Variants in PPP1CC observed in about 807,000 individuals in gnomAD.
PPP1CC encodes the protein serine/threonine-protein phosphatase PP1-gamma catalytic subunit.
A neutral mutation model predicts 38.4 loss-of-function variants in PPP1CC; 16 were observed. The ratio of observed to expected loss-of-function variants is 0.42; its 90% CI spans 0.28 to 0.63. The LOEUF (loss-of-function observed/expected upper bound fraction) is 0.63, where lower values mean the gene tolerates loss of function less well. Ranked by LOEUF, PPP1CC falls within the 30% of genes least tolerant of loss-of-function variation. The probability of loss-of-function intolerance (pLI) is 0.25; values close to 1 mark genes in which losing one functional copy is unlikely to be tolerated. For synonymous variants in PPP1CC, 158 were observed against 136.0 expected (o/e 1.16, Z -1.13); for missense variants, 170 against 391.3 (o/e 0.43, Z 4.77).
In PPP1CC at chr12:110,729,367, G is replaced by A. The variant is rs181598772; in HGVS notation, c.418+1162C>T. On this transcript the variant is annotated intron_variant, in intron 3 of 6. Coordinates refer to ENST00000335007, the MANE Select transcript of PPP1CC (RefSeq NM_002710.4). Reference sequence around the variant, plus strand: ...CTGCCACCACGCCTGGCTAATTTTTGTATTTTTAGTAGAGATGAGGTTTCC... The same window carrying A: ...CTGCCACCACGCCTGGCTAATTTTTATATTTTTAGTAGAGATGAGGTTTCC... Among the ~76,000 whole-genome samples the A allele has an allele frequency of 6.8e-3, 1,040 of 152,118 alleles. 1 individual carries two copies. Among genetic ancestry groups the A allele is most frequent in the Non-Finnish European group, 9.4e-3 (638 of 67,966 alleles).
rs940588861 is a variant in PPP1CC at position 110,729,527 on chromosome 12, T to C, written c.418+1002A>G. ...AGCTTTAAGAACTGTGTTTTGTCAATAGTCAAATCGAAGTATACCTTTAAT... is the reference window on the plus strand; with the variant it reads ...AGCTTTAAGAACTGTGTTTTGTCAACAGTCAAATCGAAGTATACCTTTAAT... On this transcript the variant is annotated intron_variant, in intron 3 of 6. Coordinates refer to ENST00000335007, the MANE Select transcript of PPP1CC (RefSeq NM_002710.4). 5.3e-5 allele frequency among the ~76,000 whole-genome samples: 8 copies of C among 152,172 alleles called. No homozygotes were observed. In the East Asian group the frequency reaches 7.7e-4, roughly 15 times the overall value.
intron 3 of PPP1CC, among the ~76,000 whole-genome samples, chr12:110,730,016 A>C (rs1328585095): frequency 1.3e-5 from 2 of 152,248 alleles, no homozygotes; most frequent in African/African-American, 4.8e-5. Flanking sequence ...TCATAAAAGA[A>C]TCCAAGACCT....
chr12:110,738,789 G>A (rs1042921226), intron 1 of PPP1CC, among the ~76,000 whole-genome samples: 11 of 152,142 alleles, frequency 7.2e-5, no homozygotes, highest in Admixed American at 4.6e-4. Context: ...AGGGCACTGC[G>A]GGCACAAGGA....
the PPP1CC span, among the ~76,000 whole-genome samples, chr12:110,714,581 CG>C: frequency 6.6e-6 from 1 of 151,354 alleles, no homozygotes; most frequent in African/African-American, 2.4e-5. Flanking sequence ...CTGAGGCAGG[CG>C]AATCACTTGA....
At position 110,722,213 on chromosome 12, in the gene PPP1CC, A is replaced by G. The variant is rs754181843; in HGVS notation, c.804T>C (p.Ser268=). The change falls in exon 6 of 7, where the codon TCT becomes TCC. Residue 268 remains serine, a synonymous_variant. Transcript: ENST00000335007. This position sits in a 1 kb window ranked among gnomAD's most constrained non-coding sequence, Gnocchi z 5.4. ...FAKRQLVTLF[S]APNYCGEFDN... is the part of the protein sequence containing the mutation. ...CAAACTCTCCGCAATAATTGGGCGC[A>G]GAAAACAGAGTGACCAACTGCCTCT... The G allele has an allele frequency of 2.5e-6, 4 of 1,614,096 alleles. No individual in the cohort carries two copies. The highest frequency in any genetic ancestry group is 3.4e-6 in the Non-Finnish European group (4 of 1,180,032).
rs1403273414 is a variant in PPP1CC at position 110,742,732 on chromosome 12, G to C, written c.-25C>G. ...TCGCCTTCCCACCGCCGACCCTCCC[G>C]CAGCGGCGCCGCCGCCGGCTCGCGC... is the stretch of plus-strand genomic sequence containing the variant. On this transcript the variant is annotated 5_prime_UTR_variant, in exon 1 of 7. Coordinates refer to ENST00000335007, the MANE Select transcript of PPP1CC (RefSeq NM_002710.4). 7.2e-7 allele frequency: 1 copy of C among 1,391,872 alleles called. No homozygotes were observed. 86.2% of individuals were successfully genotyped at this position (1,391,872 alleles called of 1,614,324 possible). A position where few individuals can be genotyped will look rare whatever the true frequency, so the allele number is the denominator to read the frequency against.
At chr12:110,712,564 C>T in the PPP1CC span, among the ~76,000 whole-genome samples, 8 of 134,188 alleles carry the variant, frequency 6.0e-5, no homozygotes, top group South Asian at 5.0e-4. Flanking sequence ...CACTTGAATC[C>T]GGGAAGCGGA....
At chr12:110,735,444 T>C (rs2069932253) in intron 1 of PPP1CC, among the ~76,000 whole-genome samples, 1 of 152,214 alleles carries the variant, frequency 6.6e-6, no homozygotes, top group South Asian at 2.1e-4. Flanking sequence ...TAGTGGTGCA[T>C]TCTTAATTCC....
At chr12:110,736,827 A>G (rs2069949047) in intron 1 of PPP1CC, among the ~76,000 whole-genome samples, 1 of 152,218 alleles carries the variant, frequency 6.6e-6, no homozygotes, top group African/African-American at 2.4e-5. Context: ...TTTCCTTGCC[A>G]CATAAAGGCC....
downstream of PPP1CC, among the ~76,000 whole-genome samples, chr12:110,715,721 C>T (rs2069681937): frequency 6.6e-6 from 1 of 151,844 alleles, no homozygotes; most frequent in Non-Finnish European, 1.5e-5. Flanking sequence ...TGGGTTCAAG[C>T]GATTCTCCTG....
chr12:110,711,901 G>C, the PPP1CC span, among the ~76,000 whole-genome samples: 1 of 151,824 alleles, frequency 6.6e-6, no homozygotes, highest in Non-Finnish European at 1.5e-5. Context: ...CTCCAGCCTG[G>C]GCAACAAGAA....
chr12:110,719,304 C>G (rs2069713270), downstream of PPP1CC, among the ~76,000 whole-genome samples: 1 of 152,106 alleles, frequency 6.6e-6, no homozygotes, highest in Non-Finnish European at 1.5e-5. Context: ...GGCTTGTTAG[C>G]AGAGGGGAGT....
intron 2 of PPP1CC, 138 bp from the exon 3 acceptor site, chr12:110,730,897 A>C: frequency 1.6e-6 from 1 of 607,808 alleles, no homozygotes; most frequent in Non-Finnish European, 2.8e-6. Flanking sequence ...CTGGGCAGCC[A>C]ACACTAAGTA....
chr12:110,709,599 C>T, the PPP1CC span, among the ~76,000 whole-genome samples: 3 of 151,656 alleles, frequency 2.0e-5, no homozygotes, highest in East Asian at 5.8e-4. Flanking sequence ...CACTCTGTTG[C>T]CCAGGCTGGA....
chr12:110,720,111 T>C lies in PPP1CC; in HGVS notation c.*965A>G. 3 of 1,536,152 alleles carry C rather than the reference T, an allele frequency of 2.0e-6. No homozygotes were observed. Among genetic ancestry groups the C allele is most frequent in the South Asian group, 1.2e-5 (1 of 83,658 alleles). ...CAACTTCACCGCAGAATAAAGAATG[T>C]AGGCCAAAGAAAGCATAATCGGTCA... On this transcript the variant is annotated 3_prime_UTR_variant, in exon 7 of 7. Transcript: ENST00000335007.
At chr12:110,711,005 G>A in the PPP1CC span, among the ~76,000 whole-genome samples, 364 of 151,530 alleles carry the variant, frequency 2.4e-3, 1 homozygote, top group Non-Finnish European at 4.1e-3. Context: ...GTGAAACCCC[G>A]TCTCTACTAA....
intron 1 of PPP1CC, among the ~76,000 whole-genome samples, chr12:110,739,023 A>C (rs1425616465): frequency 5.3e-5 from 8 of 152,344 alleles, no homozygotes; most frequent in Middle Eastern, 3.4e-3. Flanking sequence ...CCTGCTCTGT[A>C]AACAAATAAT....
chr12:110,730,797 T>C, intron 2 of PPP1CC, 38 bp from the exon 3 acceptor site: 1 of 1,383,830 alleles, frequency 7.2e-7, no homozygotes. Context: ...GTTCCCATAC[T>C]TAAAGCTCAA....
At chr12:110,719,024 A>C (rs79986271), downstream of PPP1CC, among the ~76,000 whole-genome samples, 8,429 of 152,128 alleles carry the variant, frequency 0.055, 319 homozygotes, top group African/African-American at 0.11. Flanking sequence ...TAATGATATA[A>C]TCCTAGTAGA....
Sources: gnomAD v4.1 joint callset for allele counts (sites outside exome capture counted in the v4.1 genomes callset) on GRCh38, gnomAD v4.1.1 for gene constraint, Gnocchi (gnomAD v3.1) non-coding constraint, MANE v1.5 for transcripts, NCBI Gene and HGNC (gene_info 2026-07-23, HGNC 2026-07-21) for gene names.